Variants in GIGYF2 observed in about 807,000 individuals in gnomAD.
The protein encoded by GIGYF2 is GRB10 interacting GYF protein 2.
In GIGYF2, 25 loss-of-function variants were observed where a neutral mutation model predicts 208.1. The ratio of observed to expected loss-of-function variants is 0.12; its 90% CI spans 0.09 to 0.17. GIGYF2 has a LOEUF of 0.17. GIGYF2 is among the 10% of genes least tolerant of loss of function. The pLI is 1.00. For synonymous variants in GIGYF2, 534 were observed against 543.8 expected, an observed-to-expected ratio of 0.98 and a Z score of 0.25; for missense variants, 1,302 against 1,579.4, an observed-to-expected ratio of 0.82 and a Z score of 2.98.
At chr2:232,836,103 A>G (rs538174881) in intron 22 of GIGYF2, among the ~76,000 whole-genome samples, 5 of 150,606 alleles carry the variant, frequency 3.3e-5, no homozygotes, top group East Asian at 2.0e-4. Context: ...GCTGCCAGCA[A>G]ATATTCTCGG....
intron 8 of GIGYF2, chr2:232,766,041 C>T (rs1351279614): frequency 4.2e-6 from 2 of 470,760 alleles, no homozygotes; most frequent in Non-Finnish European, 8.8e-6. Context: ...TAATTTCCGC[C>T]CTTTTTCCAT....
At chr2:232,727,352 G>T (rs79587018) in intron 2 of GIGYF2, among the ~76,000 whole-genome samples, 1,873 of 152,282 alleles carry the variant, frequency 0.012, 44 homozygotes, top group African/African-American at 0.042. Flanking sequence ...AGAATTGCCT[G>T]TCTCAGAATA....
chr2:232,858,674 AC>A lies in GIGYF2; in HGVS notation c.*1815del. ...CACCTTTATGGAGGCTGAGTTCTGCACTAAACTGTTCCTCTTGGTACCATGG... is the reference window on the plus strand; with the variant it reads ...CACCTTTATGGAGGCTGAGTTCTGCATAAACTGTTCCTCTTGGTACCATGG... On this transcript the variant is annotated 3_prime_UTR_variant, in exon 29 of 29. Coordinates refer to ENST00000373563, the MANE Select transcript of GIGYF2 (RefSeq NM_001103146.3). The A allele has an allele frequency of 2.5e-6, 1 of 404,672 alleles. No individual in the cohort carries two copies. Among genetic ancestry groups the A allele is most frequent in the Non-Finnish European group, 4.9e-6 (1 of 205,830 alleles). 25.1% of individuals were successfully genotyped at this position (404,672 alleles called of 1,614,324 possible).
chr2:232,850,152 T>G, intron 27 of GIGYF2, 110 bp from the exon 28 acceptor site: 1 of 951,544 alleles, frequency 1.1e-6, no homozygotes. Context: ...CTTTTTGTTT[T>G]TCTGCTTTTA....
At chr2:232,756,581 A>C (rs13430365) in intron 6 of GIGYF2, among the ~76,000 whole-genome samples, 1 of 152,120 alleles carries the variant, frequency 6.6e-6, no homozygotes, top group East Asian at 1.9e-4. Context: ...GACAGTCCCA[A>C]TTCACTCCAA....
At chr2:232,753,941 A>G (rs1474178437) in intron 5 of GIGYF2, among the ~76,000 whole-genome samples, 2 of 152,106 alleles carry the variant, frequency 1.3e-5, no homozygotes, top group Admixed American at 1.3e-4. Flanking sequence ...CGAGGCGGGC[A>G]GATCACAAAG....
intron 28 of GIGYF2, among the ~76,000 whole-genome samples, chr2:232,856,585 G>A (rs530221513): frequency 6.6e-6 from 1 of 152,128 alleles, no homozygotes; most frequent in African/African-American, 2.4e-5. Flanking sequence ...CCAGCTACTT[G>A]GGAGTCTACG....
rs7582771 is a variant in GIGYF2 at position 232,836,327 on chromosome 2, T to C, written c.2766+3234T>C. Among the ~76,000 whole-genome samples, 127 of 18,252 alleles carry C rather than the reference T, an allele frequency of 7.0e-3. 13 individuals carry two copies. The highest frequency in any genetic ancestry group is 0.025 in the South Asian group (18 of 732). 12.0% of individuals were successfully genotyped at this position (18,252 alleles called of 152,430 possible). ...ATATATATATATATATATATATATA[T>C]ATACATATATATACTTATATATTTA... On this transcript the variant is annotated intron_variant, in intron 22 of 28. Transcript: ENST00000373563.
chr2:232,766,087 C>G (rs1365082778), intron 8 of GIGYF2: 110 of 457,014 alleles, frequency 2.4e-4, no homozygotes, highest in Non-Finnish European at 4.6e-6. Context: ...AATGGTCTTT[C>G]TATAGAAAAC....
At chr2:232,837,621 C>CT (rs564958985) in intron 22 of GIGYF2, among the ~76,000 whole-genome samples, 126 of 147,140 alleles carry the variant, frequency 8.6e-4, no homozygotes, top group South Asian at 8.4e-3. Flanking sequence ...CACCCAGCTA[C>CT]TTTTTTTTTT....
At chr2:232,804,955 A>G (rs542525545) in intron 14 of GIGYF2, among the ~76,000 whole-genome samples, 1 of 151,806 alleles carries the variant, frequency 6.6e-6, no homozygotes, top group African/African-American at 2.4e-5. Context: ...GTGGTCAAAG[A>G]AACATACTAT....
intron 8 of GIGYF2, among the ~76,000 whole-genome samples, chr2:232,765,055 A>T (rs1698900424): frequency 6.6e-6 from 1 of 152,216 alleles, no homozygotes; most frequent in Non-Finnish European, 1.5e-5. Context: ...CTGCTAGTAT[A>T]CTAAAATATC....
In GIGYF2 at chr2:232,774,478, T is replaced by C. The variant is rs149678259; in HGVS notation, c.533-12672T>C. Among the ~76,000 whole-genome samples the C allele has an allele frequency of 8.8e-3, 1,340 of 152,302 alleles. 25 individuals carry two copies. Among genetic ancestry groups the C allele is most frequent in the African/African-American group, 0.03 (1,255 of 41,568 alleles). On this transcript the variant is annotated intron_variant, in intron 8 of 28. Transcript: ENST00000373563. ...TAAAGCAATGTAGAGAGGAGAGTTA[T>C]GACATAACATTGCCAAGTTTCTGTT... is the stretch of plus-strand genomic sequence containing the variant.
intron 21 of GIGYF2, among the ~76,000 whole-genome samples, chr2:232,825,962 T>A (rs1283812751): frequency 6.6e-6 from 1 of 152,006 alleles, no homozygotes; most frequent in Non-Finnish European, 1.5e-5. Context: ...GTGTTTGGTT[T>A]TCTGTCCTTG....
chr2:232,850,594 G>A (rs1007668811), intron 28 of GIGYF2, among the ~76,000 whole-genome samples, 185 bp downstream of exon 28: 1 of 152,182 alleles, frequency 6.6e-6, no homozygotes, highest in Admixed American at 6.5e-5. Context: ...CAGGACCTGT[G>A]CCTCATGTAA....
intron 3 of GIGYF2, among the ~76,000 whole-genome samples, chr2:232,738,158 C>A (rs941764604): frequency 5.3e-5 from 8 of 152,006 alleles, no homozygotes; most frequent in African/African-American, 1.7e-4. Context: ...CTCAGGTGAT[C>A]CGTCTACCTT....
chr2:232,817,491 C>T (rs1268118046), intron 20 of GIGYF2, among the ~76,000 whole-genome samples: 1 of 152,126 alleles, frequency 6.6e-6, no homozygotes, highest in Admixed American at 6.5e-5. Context: ...GTCTGTAGAA[C>T]TTCTCCAACT....
intron 2 of GIGYF2, among the ~76,000 whole-genome samples, chr2:232,710,289 A>G (rs1304993002): frequency 6.6e-6 from 1 of 151,946 alleles, no homozygotes; most frequent in Middle Eastern, 3.4e-3. Flanking sequence ...GGATCTCGCT[A>G]TGTTACCTAG....
At position 232,845,769 on chromosome 2, in the gene GIGYF2, G is replaced by T; in HGVS notation, c.3343G>T (p.Val1115Leu). ...TGTGTCTAACCGGCAGAATAAGAAA[G>T]TAGAAGAAGAAGAAAAGTTGCTGAA... ...VGVSNRQNKK[V>L]EEEEKLLKLF... The change falls in exon 26 of 29, where the codon GTA (valine) becomes TTA (leucine). Residue 1115 changes from valine (V) to leucine (L), a missense_variant. This residue lies in a region of GIGYF2 where 701 missense variants were observed against 793.0 expected (regional missense o/e 0.88). Transcript: ENST00000373563. The T allele has an allele frequency of 1.9e-6, 3 of 1,608,462 alleles. No homozygotes were observed. The highest frequency in any genetic ancestry group is 2.6e-6 in the Non-Finnish European group (3 of 1,174,790).
Sources: gnomAD v4.1 joint callset for allele counts (sites outside exome capture counted in the v4.1 genomes callset) on GRCh38, gnomAD v4.1.1 for gene constraint, gnomAD v4.1.1 regional missense constraint, MANE v1.5 for transcripts, NCBI Gene and HGNC (gene_info 2026-07-23, HGNC 2026-07-21) for gene names.